ALDH1A1: variants seen among roughly 807,000 people sequenced by gnomAD.
ALDH1A1 encodes aldehyde dehydrogenase 1A1.
A neutral mutation model predicts 62.1 loss-of-function variants in ALDH1A1; 19 were observed. The ratio of observed to expected loss-of-function variants is 0.31; its 90% CI spans 0.21 to 0.45. The LOEUF (loss-of-function observed/expected upper bound fraction) is 0.45, where lower values mean the gene tolerates loss of function less well. ALDH1A1 is among the 20% of genes least tolerant of loss of function. The pLI is 1.00. For synonymous variants in ALDH1A1, 231 were observed against 215.9 expected (o/e 1.07, Z -0.61); for missense variants, 521 against 607.1 (o/e 0.86, Z 1.49).
intron 2 of ALDH1A1, among the ~76,000 whole-genome samples, chr9:72,937,575 T>C (rs978471572): frequency 1.3e-5 from 2 of 152,136 alleles, no homozygotes; most frequent in African/African-American, 4.8e-5. Flanking sequence ...AGTACAAACA[T>C]TGAAAATCTA....
chr9:72,938,241 CA>C (rs1173259915), intron 2 of ALDH1A1, among the ~76,000 whole-genome samples: 4 of 151,514 alleles, frequency 2.6e-5, no homozygotes, highest in Non-Finnish European at 5.9e-5. Context: ...TTTCCTGCAG[CA>C]ATAATAATAA....
intron 7 of ALDH1A1, among the ~76,000 whole-genome samples, chr9:72,920,302 G>A (rs8187948): frequency 0.016 from 2,361 of 152,112 alleles, 64 homozygotes; most frequent in African/African-American, 0.052. Flanking sequence ...AAATTAAAAG[G>A]AGATTTGCAC....
At chr9:72,935,111 A>G (rs1830332412) in intron 2 of ALDH1A1, among the ~76,000 whole-genome samples, 1 of 152,202 alleles carries the variant, frequency 6.6e-6, no homozygotes, top group Admixed American at 6.5e-5. Context: ...CATTTACATA[A>G]TAAATCATAT....
At chr9:72,922,834 G>A (rs748199229) in intron 7 of ALDH1A1, among the ~76,000 whole-genome samples, 1 of 152,108 alleles carries the variant, frequency 6.6e-6, no homozygotes, top group Non-Finnish European at 1.5e-5. Flanking sequence ...CTTGACTGTG[G>A]GGTTTGCTTT....
intron 2 of ALDH1A1, among the ~76,000 whole-genome samples, chr9:72,937,008 G>A (rs1830354463): frequency 6.6e-6 from 1 of 152,036 alleles, no homozygotes; most frequent in Non-Finnish European, 1.5e-5. Context: ...GGGGAAGGTG[G>A]GGCTCAGCTA....
intron 3 of ALDH1A1, 107 bp downstream of exon 3, chr9:72,930,772 G>A: frequency 1.5e-6 from 2 of 1,336,208 alleles, no homozygotes; most frequent in Non-Finnish European, 2.1e-6. Flanking sequence ...TTTTCATTTT[G>A]TTTGTAGAGA....
At chr9:72,931,424 T>C (rs1313005846) in intron 2 of ALDH1A1, among the ~76,000 whole-genome samples, 2 of 152,182 alleles carry the variant, frequency 1.3e-5, no homozygotes, top group Non-Finnish European at 2.9e-5. Flanking sequence ...GACGGGAGCT[T>C]TGCTCAAGGT....
Position 72,946,744 on chromosome 9 carries a change from A to AC in ALDH1A1, c.66+6190dup, listed in dbSNP as rs549986411. ...ATCATGATAAATCAAACCAAAGTGC[A>AC]CCCCCCCACACCACCATCCCAAGCC... On this transcript the variant is annotated intron_variant, in intron 1 of 12. Coordinates refer to ENST00000297785, the MANE Select transcript of ALDH1A1 (RefSeq NM_000689.5). 2.0e-4 allele frequency among the ~76,000 whole-genome samples: 30 copies of AC among 151,446 alleles called. No homozygotes were observed. In the East Asian group the frequency reaches 2.1e-3, roughly 11 times the overall value.
chr9:72,905,192 A>G (rs1019640737), intron 12 of ALDH1A1, among the ~76,000 whole-genome samples: 2 of 152,158 alleles, frequency 1.3e-5, no homozygotes, highest in Non-Finnish European at 2.9e-5. Context: ...AAATGTTTAC[A>G]TTAATACATG....
intron 7 of ALDH1A1, among the ~76,000 whole-genome samples, chr9:72,923,359 T>A (rs1462664428): frequency 6.6e-6 from 1 of 152,010 alleles, no homozygotes; most frequent in African/African-American, 2.4e-5. Context: ...GACTCAATAA[T>A]TTTTTTTGCA....
chr9:72,952,677 T>C (rs1830557365), intron 1 of ALDH1A1, among the ~76,000 whole-genome samples: 1 of 151,960 alleles, frequency 6.6e-6, no homozygotes, highest in Non-Finnish European at 1.5e-5. Context: ...TGAATCCTGG[T>C]ATAAGAATCC....
intron 1 of ALDH1A1, among the ~76,000 whole-genome samples, chr9:72,947,053 T>A (rs937774163): frequency 4.6e-5 from 7 of 152,026 alleles, no homozygotes; most frequent in African/African-American, 1.7e-4. Flanking sequence ...CAATACCCTC[T>A]CTTAGGACAT....
chr9:72,909,705 T>C lies in ALDH1A1; in HGVS notation c.1255A>G (p.Lys419Glu). Residue 419 changes from lysine (K) to glutamate (E), a missense_variant, in exon 11 of 13, where the codon AAA becomes GAA. Coordinates refer to ENST00000297785, the MANE Select transcript of ALDH1A1 (RefSeq NM_000689.5). ...MKFKSLDDVI[K>E]RANNTFYGLS... is the part of the protein sequence containing the mutation. Reference sequence around the variant, plus strand: ...CCATAGAAAGTATTGTTTGCTCTTTTGATCACGTCATCTAAAGATTTAAAC... The same window carrying C: ...CCATAGAAAGTATTGTTTGCTCTTTCGATCACGTCATCTAAAGATTTAAAC... 1 of 1,613,706 alleles carries C rather than the reference T, an allele frequency of 6.2e-7. No homozygotes were observed. Among genetic ancestry groups the C allele is most frequent in the East Asian group, 2.2e-5 (1 of 44,872 alleles).
chr9:72,908,564 A>G (rs868325890), intron 11 of ALDH1A1, among the ~76,000 whole-genome samples: 4 of 22,034 alleles, frequency 1.8e-4, no homozygotes, highest in African/African-American at 4.7e-4. Flanking sequence ...AGAAAGAAAG[A>G]AAGAAAGAAA....
chr9:72,915,406 AC>A (rs1365709031), intron 9 of ALDH1A1, among the ~76,000 whole-genome samples: 23 of 152,170 alleles, frequency 1.5e-4, no homozygotes, highest in African/African-American at 5.5e-4. Context: ...CAATCCATCA[AC>A]AAAATAAGAA....
chr9:72,907,254 T>C (rs1156726804), intron 11 of ALDH1A1, among the ~76,000 whole-genome samples: 1 of 152,196 alleles, frequency 6.6e-6, no homozygotes, highest in Non-Finnish European at 1.5e-5. Flanking sequence ...GCCCTTTAAA[T>C]TGCAAAATCA....
chr9:72,905,628 A>C (rs1829868977), intron 12 of ALDH1A1, among the ~76,000 whole-genome samples: 1 of 152,028 alleles, frequency 6.6e-6, no homozygotes, highest in Admixed American at 6.6e-5. Flanking sequence ...CATAGTTTCC[A>C]CCTCTTTTCT....
intron 2 of ALDH1A1, among the ~76,000 whole-genome samples, chr9:72,934,115 T>A (rs1229294460): frequency 6.6e-6 from 1 of 152,092 alleles, no homozygotes; most frequent in Non-Finnish European, 1.5e-5. Flanking sequence ...AGAGATGGGG[T>A]TTTGCCATGT....
At chr9:72,927,072 A>G (rs761514909) in intron 5 of ALDH1A1, 44 bp downstream of exon 5, 1 of 1,388,078 alleles carries the variant, frequency 7.2e-7, no homozygotes, top group East Asian at 2.3e-5. Context: ...TAGAATAAGA[A>G]CTCTTCTTTT....
Sources: gnomAD v4.1 joint callset for allele counts (sites outside exome capture counted in the v4.1 genomes callset) on GRCh38, gnomAD v4.1.1 for gene constraint, MANE v1.5 for transcripts, NCBI Gene and HGNC (gene_info 2026-07-23, HGNC 2026-07-21) for gene names.